Variants in GPR19 observed in about 807,000 individuals in gnomAD.
The protein encoded by GPR19 is probable G protein-coupled receptor 19.
Under a neutral mutation model 28.5 loss-of-function variants are expected in GPR19, and 14 were observed. The ratio of observed to expected loss-of-function variants is 0.49; its 90% CI spans 0.32 to 0.77. The LOEUF is 0.77. Ranked by LOEUF, GPR19 falls within the 30% of genes least tolerant of loss-of-function variation. The pLI is 0.03. For synonymous variants in GPR19, 173 were observed against 184.1 expected, an observed-to-expected ratio of 0.94 and a Z score of 0.49; for missense variants, 409 against 504.1, an observed-to-expected ratio of 0.81 and a Z score of 1.81.
intron 2 of GPR19, among the ~76,000 whole-genome samples, chr12:12,694,985 C>A (rs1424952526): frequency 6.6e-6 from 1 of 152,230 alleles, no homozygotes; most frequent in Non-Finnish European, 1.5e-5. Flanking sequence ...GATTACCATG[C>A]CTGGCTCTTT....
At chr12:12,702,090 A>ATAT in the GPR19 span, among the ~76,000 whole-genome samples, 29 of 151,936 alleles carry the variant, frequency 1.9e-4, no homozygotes, top group African/African-American at 6.8e-4. Flanking sequence ...TTTAATTTGC[A>ATAT]TATGTAGAAT....
At chr12:12,671,783 A>T (rs1945858305) in intron 3 of GPR19, among the ~76,000 whole-genome samples, 1 of 152,174 alleles carries the variant, frequency 6.6e-6, no homozygotes, top group Admixed American at 6.5e-5. Flanking sequence ...CAAAAAATCA[A>T]CCTCTCTCAC....
At chr12:12,677,779 A>G (rs1344049443) in intron 3 of GPR19, among the ~76,000 whole-genome samples, 1 of 151,892 alleles carries the variant, frequency 6.6e-6, no homozygotes, top group African/African-American at 2.4e-5. Context: ...CGTTGACTCA[A>G]ATCACCTATG....
At position 12,684,378 on chromosome 12, in the gene GPR19, T is replaced by C. The variant is rs1445001032; in HGVS notation, c.-50A>G. ...TCATCCGGACTTGATTTCAGAGACG[T>C]TCTCTTTAGATCTTCTTGGTCAGGA... is the stretch of plus-strand genomic sequence containing the variant. On this transcript the variant is annotated 5_prime_UTR_variant, in exon 3 of 4. Transcript: ENST00000651487. The C allele has an allele frequency of 6.6e-6, 1 of 152,208 alleles. No individual in the cohort carries two copies. Among genetic ancestry groups the C allele is most frequent in the African/African-American group, 2.4e-5 (1 of 41,448 alleles). 9.4% of individuals were successfully genotyped at this position (152,208 alleles called of 1,614,324 possible). A position where few individuals can be genotyped will look rare whatever the true frequency, so the allele number is the denominator to read the frequency against.
chr12:12,692,790 C>T (rs1470097897), intron 2 of GPR19, among the ~76,000 whole-genome samples: 2 of 151,886 alleles, frequency 1.3e-5, no homozygotes, highest in Non-Finnish European at 2.9e-5. Context: ...GCTGAAAAAG[C>T]CCTTAAGAAA....
At chr12:12,698,635 C>T (rs12371581), upstream of GPR19, among the ~76,000 whole-genome samples, 26,448 of 150,140 alleles carry the variant, frequency 0.18, 3,048 homozygotes, top group Non-Finnish European at 0.26. Flanking sequence ...TTTCTCAAGA[C>T]GGTCTTGCTC....
chr12:12,688,398 T>C (rs1043891770), intron 2 of GPR19: 5 of 152,114 alleles, frequency 3.3e-5, no homozygotes, highest in Non-Finnish European at 5.9e-5. Flanking sequence ...TTATAAGATA[T>C]TATGAGGAAA....
chr12:12,679,857 T>C (rs1047366380), intron 3 of GPR19, among the ~76,000 whole-genome samples: 5 of 152,214 alleles, frequency 3.3e-5, no homozygotes, highest in African/African-American at 1.2e-4. Flanking sequence ...TTATTGGGTG[T>C]CTTCAACAAT....
chr12:12,668,671 A>G (rs940801226), intron 3 of GPR19, among the ~76,000 whole-genome samples: 1 of 126,976 alleles, frequency 7.9e-6, no homozygotes, highest in Non-Finnish European at 1.7e-5. Flanking sequence ...TTTTTACATG[A>G]TTTGGTTGAA....
intron 2 of GPR19, among the ~76,000 whole-genome samples, chr12:12,686,571 G>A (rs1053052096): frequency 3.3e-5 from 5 of 152,188 alleles, no homozygotes; most frequent in Non-Finnish European, 5.9e-5. Context: ...CCAACAAGAT[G>A]AGTACTATTA....
chr12:12,665,807 C>A (rs2136319561), intron 3 of GPR19, among the ~76,000 whole-genome samples: 1 of 93,384 alleles, frequency 1.1e-5, no homozygotes, highest in Non-Finnish European at 1.9e-5. Context: ...GGCACAAAGC[C>A]AGACTCCGTC....
At chr12:12,689,676 G>C (rs567949558) in intron 2 of GPR19, among the ~76,000 whole-genome samples, 1 of 151,970 alleles carries the variant, frequency 6.6e-6, no homozygotes, top group Non-Finnish European at 1.5e-5. Context: ...TGCATCTAAG[G>C]TCTGGCTGCC....
chr12:12,673,845 A>G (rs1945891305), intron 3 of GPR19, among the ~76,000 whole-genome samples: 2 of 152,180 alleles, frequency 1.3e-5, no homozygotes, highest in South Asian at 4.1e-4. Context: ...AGTGAAATGA[A>G]TATGCCATTT....
upstream of GPR19, among the ~76,000 whole-genome samples, chr12:12,697,113 G>A (rs1946275313): frequency 9.3e-6 from 1 of 107,102 alleles, no homozygotes; most frequent in Admixed American, 1.4e-4. Context: ...CAAACCTCAA[G>A]CAAAACCTAC....
chr12:12,675,164 T>C lies in GPR19; in HGVS notation c.-23+9187A>G, dbSNP rs960599881. On this transcript the variant is annotated intron_variant, in intron 3 of 3. Transcript: ENST00000651487. The stretch of plus-strand genomic sequence containing the variant: ...GACTTAGGACTGTTGTGATAGTCTG[T>C]TGTCCTGGAAGCAATTCAGAGGTTT... Among the ~76,000 whole-genome samples the C allele has an allele frequency of 2.0e-5, 3 of 152,198 alleles. No individual in the cohort carries two copies. In the East Asian group the frequency reaches 5.8e-4, roughly 29 times the overall value.
chr12:12,716,758 G>A, the GPR19 span: 1 of 985,294 alleles, frequency 1.0e-6, no homozygotes, highest in Non-Finnish European at 1.2e-6. Flanking sequence ...GCCTCCCCAG[G>A]GATGGCAGAA....
chr12:12,700,541 A>G (rs567392314), upstream of GPR19, among the ~76,000 whole-genome samples: 7 of 152,324 alleles, frequency 4.6e-5, no homozygotes, highest in Non-Finnish European at 2.9e-5. Flanking sequence ...TGCACTAAAA[A>G]TAACAGGACT....
the GPR19 span, chr12:12,716,892 G>A: frequency 2.0e-6 from 2 of 984,624 alleles, no homozygotes; most frequent in Non-Finnish European, 2.4e-6. Flanking sequence ...CGCAGACCAC[G>A]AGGTGGGGGC....
At chr12:12,668,069 G>A (rs778731136) in intron 3 of GPR19, among the ~76,000 whole-genome samples, 4 of 152,128 alleles carry the variant, frequency 2.6e-5, no homozygotes, top group Non-Finnish European at 5.9e-5. Flanking sequence ...TATTTGACTA[G>A]AGCTGAGACA....
Sources: gnomAD v4.1 joint callset for allele counts (sites outside exome capture counted in the v4.1 genomes callset) on GRCh38, gnomAD v4.1.1 for gene constraint, MANE v1.5 for transcripts, NCBI Gene and HGNC (gene_info 2026-07-23, HGNC 2026-07-21) for gene names.